TECPR1: variants seen among roughly 807,000 people sequenced by gnomAD.
TECPR1 encodes tectonin beta-propeller repeat-containing protein 1.
A neutral mutation model predicts 162.4 loss-of-function variants in TECPR1; 122 were observed. That is an observed-to-expected ratio of 0.75 (90% CI 0.65 to 0.87). The LOEUF (loss-of-function observed/expected upper bound fraction) is 0.87, where lower values mean the gene tolerates loss of function less well. Among genes scored for constraint, TECPR1 ranks in the 40% least tolerant of loss-of-function variants. The pLI, the probability that TECPR1 is intolerant of heterozygous loss-of-function variation, is 0.00. For missense variants in TECPR1, 1,432 were observed against 1,618.2 expected (o/e 0.88, Z 1.97); for synonymous variants, 642 against 670.6 (o/e 0.96, Z 0.66).
At chr7:98,248,129 G>A (rs1798958744) in intron 2 of TECPR1, among the ~76,000 whole-genome samples, 1 of 152,186 alleles carries the variant, frequency 6.6e-6, no homozygotes, top group African/African-American at 2.4e-5. Flanking sequence ...TAGTGCTGTT[G>A]CACCCAGGGG....
rs757296823 is a variant in TECPR1, at chr7:98,236,905, C to T, written c.1052G>A (p.Cys351Tyr). 3 of 1,565,322 alleles carry T rather than the reference C, an allele frequency of 1.9e-6. No homozygotes were observed. The highest frequency in any genetic ancestry group is 2.6e-6 in the Non-Finnish European group (3 of 1,155,534). Reference protein sequence around the residue: ...GMNDQVWGIGCEDRAVYFRQG... With the variant: ...GMNDQVWGIGYEDRAVYFRQG... ...CCGGAAGTACACGGCTCGGTCCTCA[C>T]AGCCAATGCCCCACACCTGGAAGAG... The change falls in exon 10 of 26, where the codon TGT becomes TAT. Residue 351 changes from cysteine (C) to tyrosine (Y), a missense_variant. By Grantham distance (194) the Cys-to-Tyr change is radical. Coordinates refer to ENST00000447648, the MANE Select transcript of TECPR1 (RefSeq NM_015395.3).
In TECPR1 at chr7:98,216,623, C is replaced by T. The variant is rs1395889383; in HGVS notation, c.*767G>A. ...CCAGGCTGGAGTGCAGTGGCATGAT[C>T]TCGGCTCACTGCAGCCTCCGCCTCC... is the stretch of plus-strand genomic sequence containing the variant. On this transcript the variant is annotated 3_prime_UTR_variant, in exon 26 of 26. Coordinates refer to ENST00000447648, the MANE Select transcript of TECPR1 (RefSeq NM_015395.3). The T allele has an allele frequency of 7.0e-6, 1 of 143,238 alleles. No homozygotes were observed. Among genetic ancestry groups the T allele is most frequent in the Non-Finnish European group, 1.5e-5 (1 of 66,956 alleles). 8.9% of individuals were successfully genotyped at this position (143,238 alleles called of 1,614,324 possible).
chr7:98,221,731 C>A lies in TECPR1; in HGVS notation c.3087G>T (p.Pro1029=). The change falls in exon 23 of 26, where the codon CCG becomes CCT. Residue 1029 remains proline, a synonymous_variant. Transcript: ENST00000447648. ...GCTTCAGCCTCTGTCTCGGTGGGGACGGGATGTGGTACCAGCAGTCACCTG... is the reference window on the plus strand; with the variant it reads ...GCTTCAGCCTCTGTCTCGGTGGGGAAGGGATGTGGTACCAGCAGTCACCTG... ...QPAGDCWYHI[P]SPPRQRLKQV... 6.2e-7 allele frequency: 1 copy of A among 1,613,170 alleles called. No individual in the cohort carries two copies. Among genetic ancestry groups the A allele is most frequent in the Non-Finnish European group, 8.5e-7 (1 of 1,179,716 alleles).
chr7:98,219,115 G>A (rs1410074445), intron 23 of TECPR1, among the ~76,000 whole-genome samples: 2 of 152,106 alleles, frequency 1.3e-5, no homozygotes, highest in Non-Finnish European at 2.9e-5. Context: ...CTTTGAGAAA[G>A]CATACAAAAG....
chr7:98,222,278 G>T (rs1039970658), intron 22 of TECPR1, 108 bp downstream of exon 22: 1 of 1,431,150 alleles, frequency 7.0e-7, no homozygotes, highest in Non-Finnish European at 9.3e-7. Flanking sequence ...TCCCACTTCT[G>T]GGGGAAGTCC....
rs34415455 is a variant in TECPR1, at chr7:98,216,558, CTT to C, written c.*830_*831del. On this transcript the variant is annotated 3_prime_UTR_variant, in exon 26 of 26. Coordinates refer to ENST00000447648, the MANE Select transcript of TECPR1 (RefSeq NM_015395.3). The stretch of plus-strand genomic sequence containing the variant: ...TCCAATCTGCTGTCTCCTTCCTTCA[CTT>C]TTTTTTTTTTTTTTTTTTGAGATGG... The C allele has an allele frequency of 0.45, 49,093 of 108,978 alleles. 9,669 individuals carry two copies. Among genetic ancestry groups the C allele is most frequent in the Middle Eastern group, 0.63 (113 of 178 alleles). The allele number at this position is 108,978 out of a possible 1,614,324, so 6.8% of individuals were successfully genotyped here. A position where few individuals can be genotyped will look rare whatever the true frequency, so the allele number is the denominator to read the frequency against.
At chr7:98,223,275 C>G (rs914172778) in intron 20 of TECPR1, 105 bp from the exon 21 acceptor site, 1 of 1,234,808 alleles carries the variant, frequency 8.1e-7, no homozygotes, top group Non-Finnish European at 1.1e-6. Context: ...AACCCCGGGG[C>G]GGGTAGAAAG....
At position 98,231,816 on chromosome 7, in the gene TECPR1, G is replaced by A. The variant is rs201920447; in HGVS notation, c.1962C>T (p.His654=). ...DSILFIYYVV[H]EEKKYIHIFL... is the part of the protein sequence containing the mutation. ...GACCCGTGGGCACCTTCTTCTCCTC[G>A]TGGACCACATAGTAGATGAAGAGGA... The change falls in exon 13 of 26, where the codon CAC becomes CAT. Residue 654 remains histidine (H), a synonymous_variant. Transcript: ENST00000447648. 3.6e-3 allele frequency: 5,788 copies of A among 1,611,598 alleles called. 18 individuals are homozygous for A. The highest frequency in any genetic ancestry group is 8.2e-3 in the Admixed American group (492 of 59,918).
chr7:98,231,245 G>C lies in TECPR1; in HGVS notation c.2103C>G (p.Thr701=). The part of the protein sequence containing the change: ...QRWPVRLAAA[T]EQDMNDWLAL... ...TCACCCAGTCATTCATGTCCTGCTC[G>C]GTGGCAGCAGCCAGACGCACCGGCC... Residue 701 remains threonine, a synonymous_variant, in exon 14 of 26, where the codon ACC becomes ACG. Coordinates refer to ENST00000447648, the MANE Select transcript of TECPR1 (RefSeq NM_015395.3). The C allele has an allele frequency of 1.2e-6, 2 of 1,612,884 alleles. No individual in the cohort carries two copies. The highest frequency in any genetic ancestry group is 1.7e-6 in the Non-Finnish European group (2 of 1,179,762).
chr7:98,238,295 C>T (rs554959238), intron 9 of TECPR1, among the ~76,000 whole-genome samples: 77 of 152,188 alleles, frequency 5.1e-4, no homozygotes, highest in South Asian at 1.2e-3. Flanking sequence ...AGGTGCCTGT[C>T]TCCCCCTGGC....
intron 5 of TECPR1, 132 bp downstream of exon 5, chr7:98,244,439 G>T: frequency 8.2e-7 from 1 of 1,220,804 alleles, no homozygotes; most frequent in Non-Finnish European, 1.1e-6. Context: ...ACAGGAAACA[G>T]CTCAAAGGCC....
chr7:98,225,460 G>A (rs911922601), intron 17 of TECPR1, among the ~76,000 whole-genome samples: 4 of 151,970 alleles, frequency 2.6e-5, no homozygotes, highest in Middle Eastern at 3.4e-3. Context: ...GCTTGAACCC[G>A]GGAGGCGGAG....
At chr7:98,227,964 A>G in intron 17 of TECPR1, 50 bp downstream of exon 17, 1 of 1,506,422 alleles carries the variant, frequency 6.6e-7, no homozygotes, top group Non-Finnish European at 9.1e-7. Context: ...TTTTGCCAGG[A>G]CTAAGGCCTA....
At chr7:98,230,870 G>A (rs2270601) in intron 15 of TECPR1, 91 bp downstream of exon 15, 364,464 of 1,486,368 alleles carry the variant, frequency 0.25, 47,750 homozygotes, top group East Asian at 0.46. Flanking sequence ...TTGACCCTGC[G>A]TGGACTCCAG....
Position 98,225,557 on chromosome 7 carries a change from G to C in TECPR1, c.2514-455C>G, listed in dbSNP as rs556210044. Reference sequence around the variant, plus strand: ...ACTTCGTCTCAAAAAAAAAAGGCGGGGGGAGGGGGGAAAATTTGGACACAG... The same window carrying C: ...ACTTCGTCTCAAAAAAAAAAGGCGGCGGGAGGGGGGAAAATTTGGACACAG... On this transcript the variant is annotated intron_variant, in intron 17 of 25. Transcript: ENST00000447648. Among the ~76,000 whole-genome samples the C allele has an allele frequency of 4.9e-3, 740 of 151,866 alleles. 4 individuals are homozygous for C. Among genetic ancestry groups the C allele is most frequent in the Non-Finnish European group, 6.9e-3 (468 of 67,904 alleles).
chr7:98,246,252 A>C, intron 2 of TECPR1, 87 bp from the exon 3 acceptor site: 1 of 748,842 alleles, frequency 1.3e-6, no homozygotes, highest in Non-Finnish European at 2.1e-6. Context: ...TTCTACTGTG[A>C]CTATTTATTC....
At position 98,216,127 on chromosome 7, in the gene TECPR1, A is replaced by G. The variant is rs1405738169; in HGVS notation, c.*1263T>C. ...CTCCCAAATGGGGCACAGAGGTAAT[A>G]AAAAGCAGCTGAGAGACTGCGGGAT... On this transcript the variant is annotated 3_prime_UTR_variant, in exon 26 of 26. Coordinates refer to ENST00000447648, the MANE Select transcript of TECPR1 (RefSeq NM_015395.3). The G allele has an allele frequency of 1.3e-5, 2 of 152,252 alleles. No homozygotes were observed. Among genetic ancestry groups the G allele is most frequent in the South Asian group, 2.1e-4 (1 of 4,836 alleles). The allele number at this position is 152,252 out of a possible 1,614,324, so 9.4% of individuals were successfully genotyped here.
intron 19 of TECPR1, among the ~76,000 whole-genome samples, 199 bp downstream of exon 19, chr7:98,224,602 G>A (rs1482186171): frequency 6.6e-6 from 1 of 152,170 alleles, no homozygotes; most frequent in Non-Finnish European, 1.5e-5. Context: ...CGTGTGCAGG[G>A]AGCACTCCCC....
rs769960295 is a variant in TECPR1 at position 98,243,503 on chromosome 7, G to A, written c.621C>T (p.Gly207=). 5.2e-5 allele frequency: 84 copies of A among 1,612,536 alleles called. 1 individual carries two copies. The South Asian group carries it at 8.6e-4, about 16-fold the overall frequency. Residue 207 remains glycine, a synonymous_variant, in exon 6 of 26, where the codon GGC becomes GGT. Transcript: ENST00000447648. ...GGWEITEEPV[G]RLSVWAVSLQ... Reference sequence around the variant, plus strand: ...GAGACACAGCCCACACTGACAGGCGGCCCACAGGCTCCTCCGTGATCTCCC... The same window carrying A: ...GAGACACAGCCCACACTGACAGGCGACCCACAGGCTCCTCCGTGATCTCCC...
Sources: allele counts gnomAD v4.1 joint callset (sites outside exome capture counted in the v4.1 genomes callset), GRCh38; gene constraint gnomAD v4.1.1; transcripts MANE v1.5; gene names NCBI Gene and HGNC (gene_info 2026-07-23, HGNC 2026-07-21).